POLR1D: variants seen among roughly 807,000 people sequenced by gnomAD.
POLR1D encodes the protein RNA polymerase I and III subunit D.
POLR1D carries 8 observed loss-of-function variants against 10.8 expected under a neutral mutation model. That is an observed-to-expected ratio of 0.74 (90% confidence interval 0.43 to 1.33). The LOEUF (loss-of-function observed/expected upper bound fraction) is 1.33, where lower values mean the gene tolerates loss of function less well. Ranked by LOEUF, POLR1D falls within the 40% of genes most tolerant of loss-of-function variation. The pLI, the probability that POLR1D is intolerant of heterozygous loss-of-function variation, is 0.01. For synonymous variants in POLR1D, 54 were observed against 57.2 expected (o/e 0.94, Z 0.25); for missense variants, 152 against 161.7 (o/e 0.94, Z 0.32).
intron 1 of POLR1D, among the ~76,000 whole-genome samples, chr13:27,645,000 C>T (rs1956205703): frequency 6.6e-6 from 1 of 152,184 alleles, no homozygotes; most frequent in South Asian, 2.1e-4. Flanking sequence ...AAGTTGCTGA[C>T]TTTCTCCCCT....
chr13:27,659,856 G>A (rs942041562), intron 2 of POLR1D, among the ~76,000 whole-genome samples: 15 of 150,838 alleles, frequency 9.9e-5, no homozygotes, highest in African/African-American at 3.7e-4. Context: ...AGATAGCTTG[G>A]TATGTATCTT....
At chr13:27,658,329 C>CA (rs1428314470) in intron 2 of POLR1D, among the ~76,000 whole-genome samples, 4 of 152,242 alleles carry the variant, frequency 2.6e-5, no homozygotes, top group African/African-American at 9.6e-5. Context: ...CAGAGGCAGA[C>CA]AGCTCCTCTG....
At chr13:27,635,605 CTA>C (rs1956115520) in intron 1 of POLR1D, among the ~76,000 whole-genome samples, 1 of 151,020 alleles carries the variant, frequency 6.6e-6, no homozygotes, top group East Asian at 1.9e-4. Flanking sequence ...AATAGTCTAT[CTA>C]TGATTACTAT....
At chr13:27,645,617 C>T (rs747981850) in intron 1 of POLR1D, among the ~76,000 whole-genome samples, 1 of 151,650 alleles carries the variant, frequency 6.6e-6, no homozygotes, top group Non-Finnish European at 1.5e-5. Context: ...TGGGTAGATC[C>T]GAACCATGGG....
At chr13:27,655,624 T>C (rs1301848571) in intron 2 of POLR1D, among the ~76,000 whole-genome samples, 2 of 152,186 alleles carry the variant, frequency 1.3e-5, no homozygotes, top group African/African-American at 4.8e-5. Context: ...GGACTTAATG[T>C]CAGGTTGCCC....
At chr13:27,638,541 C>G (rs1289686642) in intron 1 of POLR1D, among the ~76,000 whole-genome samples, 1 of 151,990 alleles carries the variant, frequency 6.6e-6, no homozygotes, top group Non-Finnish European at 1.5e-5. Context: ...CTTTTTTTCC[C>G]TATTCTTTGG....
intron 1 of POLR1D, among the ~76,000 whole-genome samples, chr13:27,636,471 T>G (rs907351333): frequency 1.3e-5 from 2 of 152,188 alleles, no homozygotes; most frequent in Non-Finnish European, 2.9e-5. Flanking sequence ...TTCAGGTAAT[T>G]AAAATGAAAG....
intron 2 of POLR1D, chr13:27,665,506 C>T: frequency 3.2e-6 from 2 of 616,232 alleles, no homozygotes; most frequent in Non-Finnish European, 5.8e-6. Context: ...TTCCAATCGT[C>T]TTTTTTTTTC....
chr13:27,634,087 T>G (rs1295544382), intron 1 of POLR1D, among the ~76,000 whole-genome samples: 1 of 152,230 alleles, frequency 6.6e-6, no homozygotes, highest in Non-Finnish European at 1.5e-5. Flanking sequence ...TTTATTGGTT[T>G]GTTTACATGG....
downstream of POLR1D, among the ~76,000 whole-genome samples, chr13:27,625,156 A>G (rs1352627472): frequency 6.6e-6 from 1 of 152,190 alleles, no homozygotes; most frequent in African/African-American, 2.4e-5. Context: ...GTAGCACAGT[A>G]GACAAGGAGA....
intron 1 of POLR1D, among the ~76,000 whole-genome samples, chr13:27,634,475 G>A (rs891383726): frequency 2.0e-5 from 3 of 152,246 alleles, no homozygotes; most frequent in African/African-American, 7.2e-5. Flanking sequence ...TAACAGACAC[G>A]TAACTGTGAC....
intron 2 of POLR1D, among the ~76,000 whole-genome samples, chr13:27,662,224 C>G (rs920938279): frequency 1.3e-5 from 2 of 152,148 alleles, no homozygotes; most frequent in Non-Finnish European, 2.9e-5. Flanking sequence ...GCTATGTGTA[C>G]TCTTTCTCAT....
chr13:27,633,189 G>C (rs1956090677), intron 1 of POLR1D, among the ~76,000 whole-genome samples: 1 of 152,176 alleles, frequency 6.6e-6, no homozygotes, highest in Admixed American at 6.5e-5. Context: ...TTGCCAGGTA[G>C]ATGATTCCAG....
chr13:27,634,783 C>T (rs539629154), intron 1 of POLR1D, among the ~76,000 whole-genome samples: 1 of 151,622 alleles, frequency 6.6e-6, no homozygotes, highest in East Asian at 1.9e-4. Flanking sequence ...TCAAGCAGTC[C>T]TCCCACCTCA....
chr13:27,640,826 A>C (rs1342843964), intron 1 of POLR1D, among the ~76,000 whole-genome samples: 1 of 152,118 alleles, frequency 6.6e-6, no homozygotes, highest in African/African-American at 2.4e-5. Context: ...ACCCCCATGG[A>C]TACCAAAACC....
chr13:27,621,927 T>C lies in POLR1D; in HGVS notation c.-57T>C, dbSNP rs1201126074. ...TGCTTCGCCTCCGCGCCTCGCGCTATGGGACAGAGCCCCCGATCCGCCAGC... is the reference window on the plus strand; with the variant it reads ...TGCTTCGCCTCCGCGCCTCGCGCTACGGGACAGAGCCCCCGATCCGCCAGC... On this transcript the variant is annotated 5_prime_UTR_variant, in exon 1 of 2. An upstream start codon of the reference 5' UTR is lost. Transcript: ENST00000302979. 5 of 1,559,362 alleles carry C rather than the reference T, an allele frequency of 3.2e-6. No homozygotes were observed. The East Asian group carries it at 9.3e-5, about 29-fold the overall frequency.
intron 1 of POLR1D, among the ~76,000 whole-genome samples, chr13:27,639,799 G>A (rs185727451): frequency 8.7e-4 from 132 of 152,246 alleles, no homozygotes; most frequent in Non-Finnish European, 8.8e-5. Context: ...TCCAGGTGAG[G>A]GGACTTGAGT....
At chr13:27,662,362 A>ACCCCC (rs35414935) in intron 2 of POLR1D, among the ~76,000 whole-genome samples, 1 of 150,958 alleles carries the variant, frequency 6.6e-6, no homozygotes, top group African/African-American at 2.4e-5. Context: ...TGTACTAGAC[A>ACCCCC]CCCCCCCCAC....
chr13:27,627,274 G>C (rs1470669362), downstream of POLR1D, among the ~76,000 whole-genome samples: 1 of 150,310 alleles, frequency 6.7e-6, no homozygotes, highest in Non-Finnish European at 1.5e-5. Context: ...GTTACTGCGT[G>C]GGTCTGGTTT....
Sources: gnomAD v4.1 joint callset for allele counts (sites outside exome capture counted in the v4.1 genomes callset) on GRCh38, gnomAD v4.1.1 for gene constraint, MANE v1.5 for transcripts, NCBI Gene and HGNC (gene_info 2026-07-23, HGNC 2026-07-21) for gene names.